Variants in GRK3 observed in about 807,000 individuals in gnomAD.
GRK3 encodes adrenergic, beta, receptor kinase 2.
A neutral mutation model predicts 95.7 loss-of-function variants in GRK3; 54 were observed. The observed-to-expected ratio is 0.56, with a 90% CI of 0.45 to 0.71. GRK3 has a LOEUF of 0.71. GRK3 is among the 30% of genes least tolerant of loss of function. The probability of loss-of-function intolerance (pLI) is 0.00; values close to 1 mark genes in which losing one functional copy is unlikely to be tolerated. For missense variants in GRK3, 649 were observed against 851.2 expected (o/e 0.76, Z 2.96); for synonymous variants, 281 against 290.8 (o/e 0.97, Z 0.34).
At chr22:25,620,006 T>TTTTTTGTG (rs144086816) in intron 2 of GRK3, among the ~76,000 whole-genome samples, 88 of 90,308 alleles carry the variant, frequency 9.7e-4, no homozygotes, top group African/African-American at 2.2e-3. Context: ...TTTGTCTTTT[T>TTTTTTGTG]TGTGTGTGTG....
At chr22:25,722,007 A>C (rs1279177513) in intron 20 of GRK3, among the ~76,000 whole-genome samples, 2 of 152,234 alleles carry the variant, frequency 1.3e-5, no homozygotes, top group African/African-American at 4.8e-5. Context: ...GTTGTTTTAG[A>C]AATCAAAAGT....
At chr22:25,642,737 C>T (rs1282580185) in intron 2 of GRK3, among the ~76,000 whole-genome samples, 1 of 152,196 alleles carries the variant, frequency 6.6e-6, no homozygotes, top group Non-Finnish European at 1.5e-5. Flanking sequence ...CTGTTTCTGA[C>T]TGACTTCACT....
chr22:25,709,327 A>G (rs914131633), intron 15 of GRK3, among the ~76,000 whole-genome samples: 4 of 151,984 alleles, frequency 2.6e-5, no homozygotes, highest in Non-Finnish European at 5.9e-5. Flanking sequence ...GTGAGCCACC[A>G]CACCCGGCTA....
chr22:25,634,411 A>G (rs992744514), intron 2 of GRK3, among the ~76,000 whole-genome samples: 3 of 152,160 alleles, frequency 2.0e-5, no homozygotes, highest in African/African-American at 7.2e-5. Context: ...GGAATTTCCA[A>G]TTATATGGGA....
intron 13 of GRK3, among the ~76,000 whole-genome samples, chr22:25,703,269 G>T (rs2085272478): frequency 6.6e-6 from 1 of 152,016 alleles, no homozygotes; most frequent in South Asian, 2.1e-4. Flanking sequence ...CGTATTTTAG[G>T]GCCACAAGTT....
intron 2 of GRK3, among the ~76,000 whole-genome samples, chr22:25,641,533 CGACAA>C (rs2084742902): frequency 6.6e-6 from 1 of 152,096 alleles, no homozygotes; most frequent in African/African-American, 2.4e-5. Flanking sequence ...TATAAACATG[CGACAA>C]TTTTTGCTCA....
Position 25,647,265 on chromosome 22 carries a change from G to T in GRK3, c.264+2600G>T, listed in dbSNP as rs1362044742. On this transcript the variant is annotated intron_variant, in intron 3 of 20. Transcript: ENST00000324198. ...CAGCCAGAGGACAGATTTGATAATG[G>T]GCTGCATTAAAAGCAAAGAAAACAA... 6.6e-6 allele frequency: 6 copies of T among 911,000 alleles called. No individual in the cohort carries two copies. The East Asian group carries it at 2.4e-4, about 37-fold the overall frequency. 56.4% of individuals were successfully genotyped at this position (911,000 alleles called of 1,614,324 possible). A position where few individuals can be genotyped will look rare whatever the true frequency, so the allele number is the denominator to read the frequency against.
chr22:25,598,609 A>G (rs967558388), intron 1 of GRK3, among the ~76,000 whole-genome samples: 2 of 151,934 alleles, frequency 1.3e-5, no homozygotes, highest in Admixed American at 1.3e-4. Context: ...CAGTAGGCCA[A>G]GGCTGCAGTG....
At chr22:25,708,271 A>C (rs935217577) in intron 15 of GRK3, among the ~76,000 whole-genome samples, 2 of 151,790 alleles carry the variant, frequency 1.3e-5, no homozygotes, top group African/African-American at 2.4e-5. Context: ...TCTCGTGAGG[A>C]TGGGAGGTGG....
intron 8 of GRK3, among the ~76,000 whole-genome samples, 190 bp from the exon 9 acceptor site, chr22:25,678,625 TA>T (rs1239090161): frequency 6.6e-6 from 1 of 152,272 alleles, no homozygotes; most frequent in Non-Finnish European, 1.5e-5. Flanking sequence ...AAATATCTTT[TA>T]AGTATTGCTT....
At chr22:25,653,740 C>T (rs2084850527) in intron 3 of GRK3, among the ~76,000 whole-genome samples, 1 of 152,126 alleles carries the variant, frequency 6.6e-6, no homozygotes, top group Non-Finnish European at 1.5e-5. Flanking sequence ...GTTGCCCAGG[C>T]AATGCAGTGA....
At chr22:25,583,754 T>C (rs1195689737) in intron 1 of GRK3, among the ~76,000 whole-genome samples, 2 of 152,240 alleles carry the variant, frequency 1.3e-5, no homozygotes, top group Admixed American at 6.5e-5. Flanking sequence ...TTTAATAGCC[T>C]ATATTAGACA....
intron 13 of GRK3, among the ~76,000 whole-genome samples, chr22:25,702,089 C>CT (rs773913546): frequency 0.038 from 5,455 of 143,054 alleles, 130 homozygotes; most frequent in Middle Eastern, 0.097. Flanking sequence ...TTGTTTTGAT[C>CT]TTTTTTTTTT....
chr22:25,588,488 A>T (rs1932390933), intron 1 of GRK3, among the ~76,000 whole-genome samples: 1 of 152,188 alleles, frequency 6.6e-6, no homozygotes. Flanking sequence ...TTGACATTAA[A>T]CTATTTAAGA....
At chr22:25,587,041 C>T (rs1453481323) in intron 1 of GRK3, among the ~76,000 whole-genome samples, 8 of 152,072 alleles carry the variant, frequency 5.3e-5, no homozygotes, top group African/African-American at 1.2e-4. Flanking sequence ...CCTGCCACCA[C>T]GCCCAGCTAC....
chr22:25,609,533 C>T (rs576512249), intron 2 of GRK3, among the ~76,000 whole-genome samples: 11 of 151,890 alleles, frequency 7.2e-5, no homozygotes, highest in South Asian at 4.2e-4. Flanking sequence ...GGTTTTGCCA[C>T]GTTGGCCAGG....
chr22:25,715,851 C>T (rs757055582), intron 18 of GRK3, among the ~76,000 whole-genome samples: 16 of 152,170 alleles, frequency 1.1e-4, no homozygotes, highest in South Asian at 2.1e-4. Flanking sequence ...GATGATTTTC[C>T]TGTGGCATTT....
In GRK3 at chr22:25,724,825, A is replaced by G. The variant is rs2085461722; in HGVS notation, c.*2375A>G. On this transcript the variant is annotated 3_prime_UTR_variant, in exon 21 of 21. Coordinates refer to ENST00000324198, the MANE Select transcript of GRK3 (RefSeq NM_005160.4). Reference sequence around the variant, plus strand: ...CATGGCCAGAGGAAAAGTCAGTTGGATTAAACATCATGGTATACTTGGCTG... The same window carrying G: ...CATGGCCAGAGGAAAAGTCAGTTGGGTTAAACATCATGGTATACTTGGCTG... 6.6e-6 allele frequency: 1 copy of G among 152,072 alleles called. No homozygotes were observed. The highest frequency in any genetic ancestry group is 6.6e-5 in the Admixed American group (1 of 15,258). 9.4% of individuals were successfully genotyped at this position (152,072 alleles called of 1,614,324 possible).
chr22:25,626,243 T>C (rs1440054484), intron 2 of GRK3, among the ~76,000 whole-genome samples: 2 of 152,124 alleles, frequency 1.3e-5, no homozygotes, highest in African/African-American at 2.4e-5. Flanking sequence ...ATGATTCTCT[T>C]AGTGTGAAGT....
Sources: allele counts gnomAD v4.1 joint callset (sites outside exome capture counted in the v4.1 genomes callset), GRCh38; gene constraint gnomAD v4.1.1; transcripts MANE v1.5; gene names NCBI Gene and HGNC (gene_info 2026-07-23, HGNC 2026-07-21).